CTDSPL: variants seen among roughly 807,000 people sequenced by gnomAD.
CTDSPL encodes the protein CTD small phosphatase-like protein.
Under a neutral mutation model 30.5 loss-of-function variants are expected in CTDSPL, and 8 were observed. That is an observed-to-expected ratio of 0.26 (90% CI 0.15 to 0.47). The LOEUF (loss-of-function observed/expected upper bound fraction) is 0.47. Ranked by LOEUF, CTDSPL falls within the 20% of genes least tolerant of loss-of-function variation. The probability of loss-of-function intolerance (pLI) is 0.99; values close to 1 mark genes in which losing one functional copy is unlikely to be tolerated. For missense variants in CTDSPL, 248 were observed against 366.1 expected (o/e 0.68, Z 2.63); for synonymous variants, 110 against 137.9 (o/e 0.80, Z 1.42).
intron 1 of CTDSPL, among the ~76,000 whole-genome samples, chr3:37,945,987 T>G (rs1699032456): frequency 6.6e-6 from 1 of 152,188 alleles, no homozygotes; most frequent in African/African-American, 2.4e-5. Context: ...CAGAATTGCT[T>G]TTTGGGAGAA....
At position 37,892,624 on chromosome 3, in the gene CTDSPL, G is replaced by T. The variant is rs1225933213; in HGVS notation, c.79+30346G>T. On this transcript the variant is annotated intron_variant, in intron 1 of 7. Coordinates refer to ENST00000273179, the MANE Select transcript of CTDSPL (RefSeq NM_001008392.2). ...GTATCTCCACTTCTGAAGGTTGCCA[G>T]AGTAGAAAGACCCTTAAGCTTGAGT... Among the ~76,000 whole-genome samples the T allele has an allele frequency of 2.0e-5, 3 of 152,046 alleles. No individual in the cohort carries two copies. The South Asian group carries it at 6.2e-4, about 31-fold the overall frequency.
intron 1 of CTDSPL, among the ~76,000 whole-genome samples, chr3:37,917,798 A>G (rs1157627202): frequency 6.6e-6 from 1 of 152,180 alleles, no homozygotes; most frequent in Non-Finnish European, 1.5e-5. Flanking sequence ...ATGAGCATAC[A>G]TGTGTTGAAT....
At chr3:37,940,574 T>C (rs1575309181) in intron 1 of CTDSPL, among the ~76,000 whole-genome samples, 1 of 150,310 alleles carries the variant, frequency 6.7e-6, no homozygotes, top group South Asian at 2.1e-4. Context: ...TGCTCCAGGC[T>C]TACATCCTGC....
intron 1 of CTDSPL, among the ~76,000 whole-genome samples, chr3:37,901,430 A>G (rs1016293443): frequency 6.6e-6 from 1 of 151,946 alleles, no homozygotes; most frequent in African/African-American, 2.4e-5. Flanking sequence ...AAACCAAAAA[A>G]CCTAGCCCTT....
At chr3:37,906,960 A>T (rs1159581327) in intron 1 of CTDSPL, among the ~76,000 whole-genome samples, 2 of 152,244 alleles carry the variant, frequency 1.3e-5, no homozygotes, top group African/African-American at 4.8e-5. Flanking sequence ...TGTAAAATGC[A>T]GGACTAAAGA....
chr3:37,964,373 T>A (rs1699276644), intron 3 of CTDSPL, among the ~76,000 whole-genome samples, 198 bp from the exon 4 acceptor site: 1 of 152,204 alleles, frequency 6.6e-6, no homozygotes, highest in African/African-American at 2.4e-5. Flanking sequence ...TTCCAAAGCC[T>A]AGGACTTCAT....
intron 1 of CTDSPL, among the ~76,000 whole-genome samples, chr3:37,912,579 C>T (rs1348504805): frequency 6.6e-6 from 1 of 152,008 alleles, no homozygotes; most frequent in African/African-American, 2.4e-5. Context: ...GTACTGGGGA[C>T]GTGGGAGTGA....
At chr3:37,973,846 C>G (rs1371773343) in intron 6 of CTDSPL, among the ~76,000 whole-genome samples, 3 of 152,246 alleles carry the variant, frequency 2.0e-5, no homozygotes, top group South Asian at 2.1e-4. Flanking sequence ...CACATTCATT[C>G]TCTAAGGCCT....
rs369534676 is a variant in CTDSPL, at chr3:37,975,923, G to A, written c.705+29G>A. 916 of 1,605,106 alleles carry A rather than the reference G, an allele frequency of 5.7e-4. 1 individual carries two copies. Among genetic ancestry groups the A allele is most frequent in the Non-Finnish European group, 6.6e-4 (771 of 1,173,296 alleles). ...AGTGGCCCCAAAGAAAGAAAATGTCGTGCTCCATCTGAGCCCTCTGTCTTG... is the reference window on the plus strand; with the variant it reads ...AGTGGCCCCAAAGAAAGAAAATGTCATGCTCCATCTGAGCCCTCTGTCTTG... On this transcript the variant is annotated intron_variant, in intron 7 of 7. Coordinates refer to ENST00000273179, the MANE Select transcript of CTDSPL (RefSeq NM_001008392.2). The surrounding 1 kb of genome is among the most constrained non-coding windows in gnomAD (Gnocchi z 4.9).
intron 1 of CTDSPL, among the ~76,000 whole-genome samples, chr3:37,878,878 A>G (rs1435169718): frequency 6.6e-6 from 1 of 152,194 alleles, no homozygotes; most frequent in Non-Finnish European, 1.5e-5. Context: ...TTGAGTTTAA[A>G]CTGTAATTAT....
chr3:37,881,021 CAAAAA>C (rs200179594), intron 1 of CTDSPL, among the ~76,000 whole-genome samples: 1 of 84,220 alleles, frequency 1.2e-5, no homozygotes. Context: ...TGAGGGGGAC[CAAAAA>C]AAAAAAAAAA....
At chr3:37,951,436 G>A (rs933288170) in intron 2 of CTDSPL, among the ~76,000 whole-genome samples, 1 of 152,138 alleles carries the variant, frequency 6.6e-6, no homozygotes, top group Non-Finnish European at 1.5e-5. Context: ...AGCACTTTGG[G>A]AGGCTAAGGC....
intron 3 of CTDSPL, among the ~76,000 whole-genome samples, chr3:37,959,251 G>A (rs1371358788): frequency 6.6e-6 from 1 of 152,152 alleles, no homozygotes; most frequent in African/African-American, 2.4e-5. Context: ...TGCTCTGTTT[G>A]TATGTGTAGG....
Position 37,971,651 on chromosome 3 carries a change from T to C in CTDSPL, c.519+152T>C, listed in dbSNP as rs1699368406. 7 of 673,022 alleles carry C rather than the reference T, an allele frequency of 1.0e-5. No homozygotes were observed. In the Admixed American group the frequency reaches 1.5e-4, roughly 14 times the overall value. 41.7% of individuals were successfully genotyped at this position (673,022 alleles called of 1,614,324 possible). Reference sequence around the variant, plus strand: ...CCCCAGATGGGATGGATGCAGGCCATGTGCATGGTGCCAGTCTGAAAGCCT... The same window carrying C: ...CCCCAGATGGGATGGATGCAGGCCACGTGCATGGTGCCAGTCTGAAAGCCT... On this transcript the variant is annotated intron_variant, in intron 6 of 7. Coordinates refer to ENST00000273179, the MANE Select transcript of CTDSPL (RefSeq NM_001008392.2).
chr3:37,973,343 T>C (rs181954388), intron 6 of CTDSPL, among the ~76,000 whole-genome samples: 9 of 152,350 alleles, frequency 5.9e-5, no homozygotes, highest in Non-Finnish European at 1.0e-4. Context: ...AAGTGAGAGC[T>C]GTTTTTTGTT....
intron 1 of CTDSPL, chr3:37,911,808 C>A (rs561535483): frequency 6.9e-6 from 3 of 436,906 alleles, no homozygotes; most frequent in Non-Finnish European, 1.4e-5. Context: ...CCTATAATCC[C>A]AGCACTTTGG....
chr3:37,931,483 T>C (rs762542622), intron 1 of CTDSPL, among the ~76,000 whole-genome samples: 1 of 152,114 alleles, frequency 6.6e-6, no homozygotes, highest in Non-Finnish European at 1.5e-5. Context: ...TGTCTTTTGA[T>C]TGGGGAGTTT....
At chr3:37,980,191 C>T (rs1699474239) in intron 7 of CTDSPL, among the ~76,000 whole-genome samples, 1 of 152,186 alleles carries the variant, frequency 6.6e-6, no homozygotes, top group Non-Finnish European at 1.5e-5. Flanking sequence ...TGTCTTTGCC[C>T]ATAGCTTCAG....
intron 7 of CTDSPL, among the ~76,000 whole-genome samples, chr3:37,979,924 G>A (rs1699470918): frequency 6.6e-6 from 1 of 152,122 alleles, no homozygotes; most frequent in South Asian, 2.1e-4. Flanking sequence ...TAAAGACAGA[G>A]AAGTGTGTCC....
Sources: allele counts gnomAD v4.1 joint callset (sites outside exome capture counted in the v4.1 genomes callset), GRCh38; gene constraint gnomAD v4.1.1; non-coding constraint Gnocchi (gnomAD v3.1); transcripts MANE v1.5; gene names NCBI Gene and HGNC (gene_info 2026-07-23, HGNC 2026-07-21).